The following STK10 variants were observed in gnomAD, a reference collection of about 807,000 sequenced individuals.
The protein encoded by STK10 is serine/threonine kinase 10, also known as serine/threonine-protein kinase 10.
STK10 carries 78 observed loss-of-function variants against 113.8 expected under a neutral mutation model. The ratio of observed to expected loss-of-function variants is 0.69; its 90% CI spans 0.57 to 0.83. STK10 has a LOEUF of 0.83. Ranked by LOEUF, STK10 falls within the 40% of genes least tolerant of loss-of-function variation. The pLI is 0.00. For missense variants in STK10, 1,109 were observed against 1,280.1 expected, an observed-to-expected ratio of 0.87 and a Z score of 2.04; for synonymous variants, 465 against 494.7, an observed-to-expected ratio of 0.94 and a Z score of 0.80.
In STK10 at chr5:172,044,717, TG is replaced by T; in HGVS notation, c.*164del. 3 of 1,120,398 alleles carry T rather than the reference TG, an allele frequency of 2.7e-6. No homozygotes were observed. Among genetic ancestry groups the T allele is most frequent in the Non-Finnish European group, 3.9e-6 (3 of 774,506 alleles). 69.4% of individuals were successfully genotyped at this position (1,120,398 alleles called of 1,614,324 possible). Reference sequence around the variant, plus strand: ...CAGGCCAGCAAGAAGTCAGGAACGCTGGGGCAGGTCTATCAGGCACAGTTGG... The same window carrying T: ...CAGGCCAGCAAGAAGTCAGGAACGCTGGGCAGGTCTATCAGGCACAGTTGG... On this transcript the variant is annotated 3_prime_UTR_variant, in exon 19 of 19. Transcript: ENST00000176763. This position sits in a 1 kb window ranked among gnomAD's most constrained non-coding sequence, Gnocchi z 4.5.
intron 1 of STK10, among the ~76,000 whole-genome samples, chr5:172,178,804 T>G (rs1770803148): frequency 6.6e-6 from 1 of 152,172 alleles, no homozygotes; most frequent in African/African-American, 2.4e-5. Context: ...GGAACGCTCG[T>G]CTGCACAAGA....
rs572713219 is a variant in STK10 at position 172,159,732 on chromosome 5, A to G, written c.157-2944T>C. Among the ~76,000 whole-genome samples the G allele has an allele frequency of 5.7e-4, 87 of 152,322 alleles. No homozygotes were observed. In the South Asian group the frequency reaches 0.018, roughly 31 times the overall value. Reference sequence around the variant, plus strand: ...CAGCTACTCAGGAGGCTGAGGCACAAGAATTGCTTGAACCCGGAAGGCAGA... The same window carrying G: ...CAGCTACTCAGGAGGCTGAGGCACAGGAATTGCTTGAACCCGGAAGGCAGA... On this transcript the variant is annotated intron_variant, in intron 1 of 18. Coordinates refer to ENST00000176763, the MANE Select transcript of STK10 (RefSeq NM_005990.4).
intron 1 of STK10, among the ~76,000 whole-genome samples, chr5:172,159,986 A>G (rs2113821546): frequency 6.6e-6 from 1 of 151,924 alleles, no homozygotes; most frequent in Admixed American, 6.6e-5. Context: ...AAATACAAAA[A>G]TTAGCTGGGC....
At chr5:172,160,863 G>C (rs1169574496) in intron 1 of STK10, among the ~76,000 whole-genome samples, 1 of 152,124 alleles carries the variant, frequency 6.6e-6, no homozygotes, top group African/African-American at 2.4e-5. Flanking sequence ...TTTGCATCAG[G>C]ATCCTCTAAC....
intron 18 of STK10, among the ~76,000 whole-genome samples, chr5:172,049,061 G>A (rs1035953243): frequency 2.2e-4 from 34 of 151,976 alleles, no homozygotes; most frequent in Admixed American, 9.2e-4. Flanking sequence ...CTGCCACACC[G>A]TCTGAAGCAG....
chr5:172,157,575 T>A (rs935139344), intron 1 of STK10, among the ~76,000 whole-genome samples: 47 of 152,094 alleles, frequency 3.1e-4, no homozygotes, highest in African/African-American at 1.1e-3. Flanking sequence ...AACATTTTTT[T>A]AAATCTGTTT....
chr5:172,057,769 G>GGGATTA (rs1169815559), intron 14 of STK10, among the ~76,000 whole-genome samples: 1 of 152,182 alleles, frequency 6.6e-6, no homozygotes, highest in Non-Finnish European at 1.5e-5. Context: ...CTCCATCGGT[G>GGGATTA]GGATTAGGAA....
At position 172,133,263 on chromosome 5, in the gene STK10, C is replaced by A. The variant is rs1769792660; in HGVS notation, c.322-5842G>T. 6.6e-6 allele frequency among the ~76,000 whole-genome samples: 1 copy of A among 152,074 alleles called. No individual in the cohort carries two copies. The highest frequency in any genetic ancestry group is 6.6e-5 in the Admixed American group (1 of 15,260). On this transcript the variant is annotated intron_variant, in intron 2 of 18. Transcript: ENST00000176763. This position sits in a 1 kb window ranked among gnomAD's most constrained non-coding sequence, Gnocchi z 4.9. ...TTAAGCAAGAGGTGTTGTAGACAGG[C>A]TTTTGCTTTGGAAAGATCCCTCTAG...
At chr5:172,095,209 C>T (rs538036717) in intron 8 of STK10, among the ~76,000 whole-genome samples, 1 of 152,194 alleles carries the variant, frequency 6.6e-6, no homozygotes, top group Non-Finnish European at 1.5e-5. Flanking sequence ...TCAGCTATGG[C>T]AGCTGGTGGA....
At chr5:172,059,785 G>C (rs1166212714) in intron 14 of STK10, among the ~76,000 whole-genome samples, 1 of 152,120 alleles carries the variant, frequency 6.6e-6, no homozygotes, top group Non-Finnish European at 1.5e-5. Flanking sequence ...GTGTCAACTT[G>C]TCAAAATGCC....
intron 3 of STK10, among the ~76,000 whole-genome samples, chr5:172,124,861 T>G (rs1769587114): frequency 6.6e-6 from 1 of 151,682 alleles, no homozygotes; most frequent in Non-Finnish European, 1.5e-5. Flanking sequence ...TTGAAAAAAC[T>G]AAATGGTCTT....
intron 3 of STK10, 140 bp from the exon 4 acceptor site, chr5:172,117,770 T>G: frequency 8.3e-7 from 1 of 1,198,260 alleles, no homozygotes; most frequent in East Asian, 2.6e-5. Context: ...ATCCCAGCAC[T>G]TTGAGAGGCC....
rs141646603 is a variant in STK10 at position 172,183,140 on chromosome 5, G to A, written c.156+4747C>T. On this transcript the variant is annotated intron_variant, in intron 1 of 18. Coordinates refer to ENST00000176763, the MANE Select transcript of STK10 (RefSeq NM_005990.4). ...GAGGATCCCTTGAGCCCAGGAGTTC[G>A]AGGCTGAAGTAAGCAATGATGGTGC... 3.1e-3 allele frequency among the ~76,000 whole-genome samples: 472 copies of A among 152,238 alleles called. 2 individuals are homozygous for A. Among genetic ancestry groups the A allele is most frequent in the African/African-American group, 0.01 (433 of 41,532 alleles).
At position 172,129,800 on chromosome 5, in the gene STK10, C is replaced by T. The variant is rs115624401; in HGVS notation, c.322-2379G>A. On this transcript the variant is annotated intron_variant, in intron 2 of 18. Transcript: ENST00000176763. ...ATGGAAAAGAAGCAAAACTCAGTGA[C>T]CATGCAAGGCCACTTACTAGCTGGG... is the stretch of plus-strand genomic sequence containing the variant. 3.1e-3 allele frequency among the ~76,000 whole-genome samples: 477 copies of T among 152,250 alleles called. 4 individuals are homozygous for T. The highest frequency in any genetic ancestry group is 0.011 in the African/African-American group (467 of 41,552).
intron 2 of STK10, among the ~76,000 whole-genome samples, chr5:172,129,218 C>T (rs1025170149): frequency 1.3e-5 from 2 of 152,160 alleles, no homozygotes; most frequent in Admixed American, 6.5e-5. Flanking sequence ...GGGACTTTAA[C>T]GTGGGCCAGG....
At chr5:172,060,098 T>C (rs971973202) in intron 14 of STK10, among the ~76,000 whole-genome samples, 1 of 152,194 alleles carries the variant, frequency 6.6e-6, no homozygotes, top group African/African-American at 2.4e-5. Context: ...ATGGAATTAG[T>C]GCCTTTTTAT....
intron 12 of STK10, among the ~76,000 whole-genome samples, chr5:172,077,003 G>A (rs113518990): frequency 0.012 from 1,698 of 147,364 alleles, 29 homozygotes; most frequent in African/African-American, 0.041. Context: ...AGTAAAAGTA[G>A]AGTCACATGG....
At chr5:172,119,756 C>T (rs111361695) in intron 3 of STK10, among the ~76,000 whole-genome samples, 4,297 of 139,098 alleles carry the variant, frequency 0.031, 206 homozygotes, top group African/African-American at 0.083. Context: ...CCCAGCTACT[C>T]GGGAGGCTGA....
rs138305428 is a variant in STK10 at position 172,057,471 on chromosome 5, G to A, written c.2215C>T (p.Arg739Trp). 1.2e-4 allele frequency: 185 copies of A among 1,549,706 alleles called. 1 individual carries two copies. The highest frequency in any genetic ancestry group is 5.5e-5 in the African/African-American group (4 of 73,000). The change falls in exon 15 of 19, where the codon CGG (arginine) becomes TGG (tryptophan). Residue 739 changes from arginine (R) to tryptophan (W), a missense_variant and splice_region_variant. Around this residue, in one of 5 missense-constraint regions of STK10, gnomAD observed 885 missense variants for 991.1 expected, o/e 0.89. Coordinates refer to ENST00000176763, the MANE Select transcript of STK10 (RefSeq NM_005990.4). ...LMKKQELLRD[R>W]EAALWEMEEH... ...TCCATCTCCCACAGGGCTGCTTCCCGGTCTGCAGAGGACATGCCACCGAGC... is the reference window on the plus strand; with the variant it reads ...TCCATCTCCCACAGGGCTGCTTCCCAGTCTGCAGAGGACATGCCACCGAGC...
Sources: allele counts gnomAD v4.1 joint callset (sites outside exome capture counted in the v4.1 genomes callset), GRCh38; gene constraint gnomAD v4.1.1; regional missense constraint gnomAD v4.1.1; non-coding constraint Gnocchi (gnomAD v3.1); transcripts MANE v1.5; gene names NCBI Gene and HGNC (gene_info 2026-07-23, HGNC 2026-07-21).